DLGAP5: variants seen among roughly 807,000 people sequenced by gnomAD.
The protein encoded by DLGAP5 is DLG associated protein 5, also known as disks large-associated protein 5.
In DLGAP5, 90 loss-of-function variants were observed where a neutral mutation model predicts 99.6. That is an observed-to-expected ratio of 0.90 (90% CI 0.76 to 1.08). The LOEUF is 1.08. DLGAP5 is among the 50% of genes least tolerant of loss of function. The pLI, the probability that DLGAP5 is intolerant of heterozygous loss-of-function variation, is 0.00. For missense variants in DLGAP5, 1,036 were observed against 983.5 expected (o/e 1.05, Z -0.71); for synonymous variants, 311 against 321.3 (o/e 0.97, Z 0.34).
At chr14:55,175,024 CAT>C (rs1883008673) in intron 10 of DLGAP5, among the ~76,000 whole-genome samples, 1 of 152,144 alleles carries the variant, frequency 6.6e-6, no homozygotes, top group Non-Finnish European at 1.5e-5. Flanking sequence ...AAAAAATGTA[CAT>C]GTTATATTTG....
intron 5 of DLGAP5, among the ~76,000 whole-genome samples, 193 bp downstream of exon 5, chr14:55,181,020 T>C (rs1194236859): frequency 6.6e-6 from 1 of 151,986 alleles, no homozygotes; most frequent in East Asian, 1.9e-4. Context: ...GAGGCTGAGG[T>C]GGGAGGATCA....
At chr14:55,172,204 C>T (rs1882883941) in intron 10 of DLGAP5, among the ~76,000 whole-genome samples, 1 of 151,210 alleles carries the variant, frequency 6.6e-6, no homozygotes, top group Non-Finnish European at 1.5e-5. Flanking sequence ...AAATTTAGGG[C>T]CAGACTCAGT....
chr14:55,180,820 T>G, intron 5 of DLGAP5, 42 bp from the exon 6 acceptor site: 3 of 1,608,626 alleles, frequency 1.9e-6, no homozygotes, highest in Non-Finnish European at 2.5e-6. Flanking sequence ...TCCCTTGTAG[T>G]TATGAAATTA....
At position 55,148,450 on chromosome 14, in the gene DLGAP5, T is replaced by C. The variant is rs199609358; in HGVS notation, c.2442A>G (p.Pro814=). Residue 814 remains proline, a synonymous_variant, in exon 19 of 19, where the codon CCA becomes CCG. Transcript: ENST00000247191. ...GATGTCTCCTCTCCAGCTGAGTAAA[T>C]GGATTACTGCAGTTTAGACCTGGCT... is the stretch of plus-strand genomic sequence containing the variant. ...LDSPGLNCSN[P]FTQLERRHQE... 5.0e-6 allele frequency: 8 copies of C among 1,614,128 alleles called. No homozygotes were observed. Among genetic ancestry groups the C allele is most frequent in the East Asian group, 2.2e-5 (1 of 44,868 alleles).
intron 14 of DLGAP5, among the ~76,000 whole-genome samples, chr14:55,158,116 G>A (rs1882277241): frequency 6.6e-6 from 1 of 152,176 alleles, no homozygotes; most frequent in Admixed American, 6.5e-5. Context: ...GGATGCTCAA[G>A]TTTCCTTTGC....
At chr14:55,178,329 C>A (rs549250613) in intron 7 of DLGAP5, among the ~76,000 whole-genome samples, 1 of 152,078 alleles carries the variant, frequency 6.6e-6, no homozygotes, top group Non-Finnish European at 1.5e-5. Flanking sequence ...CATTAAGGAC[C>A]AAATTCTTAA....
Position 55,163,009 on chromosome 14 carries a change from T to A in DLGAP5, c.1615A>T (p.Asn539Tyr). Residue 539 changes from asparagine to tyrosine, a missense_variant, in exon 13 of 19, where the codon AAT becomes TAT. By Grantham distance (143) the Asn-to-Tyr change is moderately radical. Transcript: ENST00000247191. ...KLEESGWQVNNNMNHNMNKNV... is the reference protein window; with the variant it reads ...KLEESGWQVNYNMNHNMNKNV... ...TTGTTCATATTATGATTCATATTAT[T>A]ATTGACTTGCCACCCAGATTCCTCA... 2 of 1,602,340 alleles carry A rather than the reference T, an allele frequency of 1.2e-6. No individual in the cohort carries two copies. Among genetic ancestry groups the A allele is most frequent in the Non-Finnish European group, 1.7e-6 (2 of 1,174,790 alleles).
At chr14:55,148,497 CAGTAA>C (rs1225150019) in intron 18 of DLGAP5, 24 bp from the exon 19 acceptor site, 10 of 1,613,482 alleles carry the variant, frequency 6.2e-6, no homozygotes, top group Non-Finnish European at 8.5e-6. Context: ...CCAGAGAAGT[CAGTAA>C]AGTATCCATC....
intron 15 of DLGAP5, among the ~76,000 whole-genome samples, chr14:55,153,945 A>T (rs1882111890): frequency 1.3e-5 from 2 of 152,032 alleles, no homozygotes; most frequent in Non-Finnish European, 2.9e-5. Flanking sequence ...AGTCCTAGCT[A>T]CTCGGGAGGC....
At chr14:55,168,867 A>G in intron 12 of DLGAP5, among the ~76,000 whole-genome samples, 1 of 152,174 alleles carries the variant, frequency 6.6e-6, no homozygotes, top group East Asian at 1.9e-4. Flanking sequence ...AAATAATTTC[A>G]GTTTTCAACC....
intron 18 of DLGAP5, chr14:55,148,710 C>T (rs956273088): frequency 4.3e-5 from 29 of 667,552 alleles, no homozygotes; most frequent in South Asian, 8.6e-5. Context: ...ACAAGAAACA[C>T]GTAAACATTT....
At chr14:55,155,807 G>A (rs1422985020) in intron 14 of DLGAP5, among the ~76,000 whole-genome samples, 1 of 152,044 alleles carries the variant, frequency 6.6e-6, no homozygotes, top group Non-Finnish European at 1.5e-5. Flanking sequence ...AAAATGAATT[G>A]GCCGGGCGCG....
chr14:55,158,311 C>G (rs990002331), intron 14 of DLGAP5, among the ~76,000 whole-genome samples: 2 of 152,140 alleles, frequency 1.3e-5, no homozygotes, highest in African/African-American at 4.8e-5. Flanking sequence ...GAAGACTTAT[C>G]GCACTTAAAC....
chr14:55,177,340 G>T lies in DLGAP5; in HGVS notation c.775-4C>A, dbSNP rs746676243. On this transcript the variant is annotated splice_region_variant and splice_polypyrimidine_tract_variant and intron_variant, in intron 7 of 18. Transcript: ENST00000247191. ...TATCGACTTTACAAGAAATACCCTA[G>T]GATGTGAGTTAACAAAGTAGAGTAA... 1.9e-6 allele frequency: 3 copies of T among 1,577,116 alleles called. No homozygotes were observed. Among genetic ancestry groups the T allele is most frequent in the Admixed American group, 3.8e-5 (2 of 52,900 alleles).
intron 12 of DLGAP5, among the ~76,000 whole-genome samples, chr14:55,165,988 G>C (rs1373638141): frequency 6.6e-6 from 1 of 152,198 alleles, no homozygotes; most frequent in Non-Finnish European, 1.5e-5. Flanking sequence ...TTGGAAAATA[G>C]TTTGGGCAGT....
intron 8 of DLGAP5, among the ~76,000 whole-genome samples, chr14:55,176,276 T>G (rs939618476): frequency 1.1e-4 from 16 of 152,364 alleles, no homozygotes; most frequent in African/African-American, 3.8e-4. Context: ...TAGATGCTGC[T>G]GAGCAGTTTT....
intron 1 of DLGAP5, among the ~76,000 whole-genome samples, chr14:55,190,458 G>A (rs1883575719): frequency 6.6e-6 from 1 of 152,158 alleles, no homozygotes; most frequent in Admixed American, 6.6e-5. Flanking sequence ...GAAAGTTTGA[G>A]GGGGTCACCT....
chr14:55,176,074 TAA>T (rs1366094736), intron 8 of DLGAP5, 56 bp from the exon 9 acceptor site: 1 of 1,449,236 alleles, frequency 6.9e-7, no homozygotes, highest in African/African-American at 1.4e-5. Context: ...ATATCTAATA[TAA>T]AGGGTTTCAA....
chr14:55,170,601 A>G, intron 11 of DLGAP5, 101 bp downstream of exon 11: 1 of 1,038,396 alleles, frequency 9.6e-7, no homozygotes, highest in Non-Finnish European at 1.4e-6. Context: ...TTGAATGATA[A>G]TGAAACAATA....
Sources: allele counts gnomAD v4.1 joint callset (sites outside exome capture counted in the v4.1 genomes callset), GRCh38; gene constraint gnomAD v4.1.1; transcripts MANE v1.5; gene names NCBI Gene and HGNC (gene_info 2026-07-23, HGNC 2026-07-21).